PCDH15: variants seen among roughly 807,000 people sequenced by gnomAD.
PCDH15 encodes protocadherin-15.
In PCDH15, 129 loss-of-function variants were observed where a neutral mutation model predicts 178.5. The observed-to-expected ratio is 0.72, with a 90% CI of 0.63 to 0.84. PCDH15 has a LOEUF of 0.84. Among genes scored for constraint, PCDH15 ranks in the 40% least tolerant of loss-of-function variants. PCDH15 has a pLI of 0.00. For missense variants in PCDH15, 2,230 were observed against 2,099.9 expected, an observed-to-expected ratio of 1.06 and a Z score of -1.21; for synonymous variants, 800 against 732.0, an observed-to-expected ratio of 1.09 and a Z score of -1.50.
chr10:55,531,319 C>T (rs1393432030), intron 2 of PCDH15, among the ~76,000 whole-genome samples: 2 of 151,906 alleles, frequency 1.3e-5, no homozygotes, highest in East Asian at 1.9e-4. Context: ...TATCTTATAT[C>T]AAATCTACTT....
intron 1 of PCDH15, among the ~76,000 whole-genome samples, chr10:54,780,484 AT>A (rs924047007): frequency 6.6e-6 from 1 of 152,082 alleles, no homozygotes; most frequent in Non-Finnish European, 1.5e-5. Flanking sequence ...TGAGGATGGG[AT>A]TTTTTAATGT....
intron 2 of PCDH15, among the ~76,000 whole-genome samples, chr10:54,548,963 T>G (rs569182775): frequency 9.2e-5 from 14 of 151,890 alleles, no homozygotes; most frequent in African/African-American, 2.4e-4. Flanking sequence ...AATGTGTCTA[T>G]TTTGTACTTT....
chr10:55,211,032 T>C (rs1382469898), intron 1 of PCDH15, among the ~76,000 whole-genome samples: 1 of 151,970 alleles, frequency 6.6e-6, no homozygotes, highest in Admixed American at 6.6e-5. Flanking sequence ...CATATTGATG[T>C]TTTTAAGAAG....
chr10:54,475,876 C>T (rs1265297481), intron 3 of PCDH15, among the ~76,000 whole-genome samples: 4 of 150,754 alleles, frequency 2.7e-5, no homozygotes, highest in Admixed American at 1.3e-4. Flanking sequence ...AAGGCCAGGC[C>T]TTAACCCATT....
chr10:55,472,761 G>A (rs940472394), intron 2 of PCDH15, among the ~76,000 whole-genome samples: 1 of 151,994 alleles, frequency 6.6e-6, no homozygotes, highest in East Asian at 1.9e-4. Context: ...GTAGAGACGG[G>A]GTTTCACCGT....
intron 26 of PCDH15, among the ~76,000 whole-genome samples, chr10:53,867,275 T>C (rs1279777069): frequency 5.3e-5 from 8 of 152,082 alleles, no homozygotes; most frequent in Non-Finnish European, 8.8e-5. Context: ...GCTTATTTCA[T>C]GTAACATAAT....
chr10:55,521,381 G>T (rs1354096261), intron 2 of PCDH15, among the ~76,000 whole-genome samples: 1 of 151,866 alleles, frequency 6.6e-6, no homozygotes, highest in Non-Finnish European at 1.5e-5. Context: ...TTTAATACTG[G>T]CAGCACAGCA....
rs146755311 is a variant in PCDH15, at chr10:54,367,653, T to C, written c.474+1467A>G. ...GGAAAACATCACACACCGGGGCCTG[T>C]TGGGGGAGTGAGGGGGTAGGAGAGG... is the stretch of plus-strand genomic sequence containing the variant. On this transcript the variant is annotated intron_variant, in intron 5 of 37. Coordinates refer to ENST00000644397, the MANE Select transcript of PCDH15 (RefSeq NM_001384140.1). 8.3e-3 allele frequency among the ~76,000 whole-genome samples: 1,259 copies of C among 151,604 alleles called. 4 individuals carry two copies. Among genetic ancestry groups the C allele is most frequent in the Admixed American group, 0.016 (246 of 15,150 alleles).
intron 2 of PCDH15, among the ~76,000 whole-genome samples, chr10:55,337,658 T>C (rs912878294): frequency 2.6e-5 from 4 of 152,210 alleles, no homozygotes; most frequent in Non-Finnish European, 5.9e-5. Flanking sequence ...AATAGTTTCA[T>C]ATCAGTCTCC....
chr10:54,791,025 C>T (rs1008746428), intron 1 of PCDH15, among the ~76,000 whole-genome samples: 1 of 151,884 alleles, frequency 6.6e-6, no homozygotes, highest in Non-Finnish European at 1.5e-5. Context: ...ACTCAAAATA[C>T]TCCTAGACCA....
At chr10:55,098,756 G>A (rs969606261) in intron 2 of PCDH15, among the ~76,000 whole-genome samples, 1 of 151,970 alleles carries the variant, frequency 6.6e-6, no homozygotes, top group Non-Finnish European at 1.5e-5. Context: ...CTCAAGTCTG[G>A]CTACAAAATC....
intron 3 of PCDH15, among the ~76,000 whole-genome samples, chr10:54,874,470 C>A (rs1396887439): frequency 6.6e-6 from 1 of 151,782 alleles, no homozygotes; most frequent in Non-Finnish European, 1.5e-5. Flanking sequence ...TGATTTATAC[C>A]TAGGCATTAC....
chr10:54,679,989 A>G (rs550111216), intron 1 of PCDH15, among the ~76,000 whole-genome samples: 3 of 152,320 alleles, frequency 2.0e-5, no homozygotes, highest in Admixed American at 1.3e-4. Flanking sequence ...CTATATTAAC[A>G]TATGTGTATT....
intron 2 of PCDH15, among the ~76,000 whole-genome samples, chr10:54,637,347 G>C (rs2093880628): frequency 6.6e-6 from 1 of 151,888 alleles, no homozygotes; most frequent in African/African-American, 2.4e-5. Context: ...TTACCTTATA[G>C]TTCTGTGAGT....
chr10:55,235,894 G>A (rs535603200), intron 1 of PCDH15, among the ~76,000 whole-genome samples: 32 of 130,576 alleles, frequency 2.5e-4, no homozygotes, highest in Admixed American at 1.8e-3. Flanking sequence ...GCGACAGAGC[G>A]AGACTCCATG....
At chr10:53,874,966 A>G (rs1267067060) in intron 26 of PCDH15, among the ~76,000 whole-genome samples, 1 of 152,134 alleles carries the variant, frequency 6.6e-6, no homozygotes, top group Admixed American at 6.5e-5. Context: ...GCAGCTGACC[A>G]GGGAATTAGT....
chr10:55,328,372 G>A (rs970965178), intron 2 of PCDH15, among the ~76,000 whole-genome samples: 3 of 151,810 alleles, frequency 2.0e-5, no homozygotes, highest in Non-Finnish European at 2.9e-5. Context: ...TACTACACAT[G>A]TATATGGTCT....
At chr10:54,558,539 A>G (rs1486674491) in intron 2 of PCDH15, among the ~76,000 whole-genome samples, 14 of 152,060 alleles carry the variant, frequency 9.2e-5, no homozygotes, top group Admixed American at 9.2e-4. Context: ...ACACACGTTA[A>G]GTACCTCAGT....
chr10:55,037,034 T>A (rs1840752256), intron 2 of PCDH15, among the ~76,000 whole-genome samples: 1 of 152,174 alleles, frequency 6.6e-6, no homozygotes, highest in South Asian at 2.1e-4. Context: ...AAAATTAACC[T>A]GTCACCCCTG....
Sources: gnomAD v4.1 joint callset for allele counts (sites outside exome capture counted in the v4.1 genomes callset) on GRCh38, gnomAD v4.1.1 for gene constraint, MANE v1.5 for transcripts, NCBI Gene and HGNC (gene_info 2026-07-23, HGNC 2026-07-21) for gene names.